Variants in XKR4 observed in about 807,000 individuals in gnomAD.
XKR4 encodes XK-related protein 4.
Under a neutral mutation model 53.9 loss-of-function variants are expected in XKR4, and 12 were observed. That is an observed-to-expected ratio of 0.22 (90% CI 0.14 to 0.36). The LOEUF (loss-of-function observed/expected upper bound fraction) is 0.36, where lower values mean the gene tolerates loss of function less well. Among genes scored for constraint, XKR4 ranks in the 10% least tolerant of loss-of-function variants. XKR4 has a pLI of 1.00. For missense variants in XKR4, 799 were observed against 859.5 expected, an observed-to-expected ratio of 0.93 and a Z score of 0.88; for synonymous variants, 354 against 362.4, an observed-to-expected ratio of 0.98 and a Z score of 0.26.
chr8:55,140,054 C>T (rs1295825730), intron 1 of XKR4: 2 of 322,924 alleles, frequency 6.2e-6, no homozygotes, highest in Non-Finnish European at 1.2e-5. Context: ...GAAAGATTCT[C>T]ATCCTATTTT....
chr8:55,463,587 C>T (rs1027918744), intron 2 of XKR4, among the ~76,000 whole-genome samples: 2 of 151,840 alleles, frequency 1.3e-5, no homozygotes, highest in East Asian at 1.9e-4. Context: ...AGAGCAAACA[C>T]GTTCAAAAGC....
chr8:55,204,368 G>A (rs1441585600), intron 1 of XKR4, among the ~76,000 whole-genome samples: 4 of 152,080 alleles, frequency 2.6e-5, no homozygotes, highest in Admixed American at 6.6e-5. Flanking sequence ...TTTAGCCACC[G>A]AAATACTTAC....
intron 2 of XKR4, among the ~76,000 whole-genome samples, chr8:55,513,919 G>A (rs913819136): frequency 6.6e-6 from 1 of 152,204 alleles, no homozygotes; most frequent in African/African-American, 2.4e-5. Flanking sequence ...TGAAATGAGT[G>A]AGGGGCCAGG....
chr8:55,396,732 T>C (rs1804524402), intron 2 of XKR4, among the ~76,000 whole-genome samples: 1 of 152,238 alleles, frequency 6.6e-6, no homozygotes, highest in Non-Finnish European at 1.5e-5. Context: ...CAAATGTTGG[T>C]GTTAATATTG....
intron 2 of XKR4, among the ~76,000 whole-genome samples, chr8:55,379,294 T>C (rs890695040): frequency 2.6e-5 from 4 of 152,158 alleles, no homozygotes; most frequent in African/African-American, 9.7e-5. Context: ...TCAAATGCTG[T>C]CAGGTGCTTC....
At position 55,541,268 on chromosome 8, in the gene XKR4, TTTTG is replaced by T. The variant is rs1221569644; in HGVS notation, c.*17053_*17056del. ...CCCAACCTCAGGAGGTTGTACTTAA[TTTTG>T]TTTGTTTGTTTCTAAGGTTGGTTTT... is the stretch of plus-strand genomic sequence containing the variant. On this transcript the variant is annotated 3_prime_UTR_variant, in exon 3 of 3. Coordinates refer to ENST00000327381, the MANE Select transcript of XKR4 (RefSeq NM_052898.2). 2.0e-5 allele frequency: 3 copies of T among 152,222 alleles called. No homozygotes were observed. Among genetic ancestry groups the T allele is most frequent in the South Asian group, 2.1e-4 (1 of 4,830 alleles). The allele number at this position is 152,222 out of a possible 1,614,324, so 9.4% of individuals were successfully genotyped here.
chr8:55,363,408 C>T (rs1803930476), intron 2 of XKR4, among the ~76,000 whole-genome samples: 1 of 152,186 alleles, frequency 6.6e-6, no homozygotes, highest in Admixed American at 6.5e-5. Flanking sequence ...AATTATTCCT[C>T]TCCTGTCTTG....
intron 1 of XKR4, among the ~76,000 whole-genome samples, chr8:55,308,482 C>A (rs1320991690): frequency 6.6e-6 from 1 of 152,124 alleles, no homozygotes; most frequent in African/African-American, 2.4e-5. Context: ...GTCATGAGAA[C>A]TCACTATCAC....
chr8:55,496,415 A>G (rs897809592), intron 2 of XKR4, among the ~76,000 whole-genome samples: 1 of 152,200 alleles, frequency 6.6e-6, no homozygotes, highest in Non-Finnish European at 1.5e-5. Flanking sequence ...AGCCAACCAG[A>G]TACCTGGGCT....
chr8:55,487,762 T>C (rs1375411778), intron 2 of XKR4, among the ~76,000 whole-genome samples: 1 of 152,156 alleles, frequency 6.6e-6, no homozygotes, highest in Admixed American at 6.5e-5. Flanking sequence ...CGTAAGCCAC[T>C]ACCTAGTTAC....
At chr8:55,281,998 A>C (rs1818850233) in intron 1 of XKR4, among the ~76,000 whole-genome samples, 1 of 152,242 alleles carries the variant, frequency 6.6e-6, no homozygotes, top group South Asian at 2.1e-4. Context: ...TGGAAGCAAC[A>C]AAGTAACCCT....
At chr8:55,276,146 T>C (rs1470183936) in intron 1 of XKR4, among the ~76,000 whole-genome samples, 1 of 152,242 alleles carries the variant, frequency 6.6e-6, no homozygotes, top group African/African-American at 2.4e-5. Flanking sequence ...GTAATAGAAC[T>C]ACACTTCACA....
At chr8:55,109,540 G>T (rs952101349) in intron 1 of XKR4, among the ~76,000 whole-genome samples, 1 of 152,114 alleles carries the variant, frequency 6.6e-6, no homozygotes, top group Non-Finnish European at 1.5e-5. Context: ...CACACAATCA[G>T]ACAGCTCCTT....
At chr8:55,418,601 A>G (rs1804882929) in intron 2 of XKR4, among the ~76,000 whole-genome samples, 2 of 152,096 alleles carry the variant, frequency 1.3e-5, no homozygotes, top group South Asian at 2.1e-4. Flanking sequence ...CCCTCAGTCC[A>G]TTTTCAACAC....
chr8:55,503,903 A>G (rs1457022653), intron 2 of XKR4, among the ~76,000 whole-genome samples: 1 of 151,936 alleles, frequency 6.6e-6, no homozygotes, highest in Non-Finnish European at 1.5e-5. Context: ...GAGTTTTTTT[A>G]ATCTTGAAAT....
At chr8:55,215,042 C>T (rs1465615411) in intron 1 of XKR4, among the ~76,000 whole-genome samples, 3 of 151,324 alleles carry the variant, frequency 2.0e-5, no homozygotes, top group Non-Finnish European at 1.5e-5. Context: ...TTATCATTTG[C>T]CTTTTAAACT....
intron 1 of XKR4, among the ~76,000 whole-genome samples, chr8:55,344,443 C>T (rs1803605164): frequency 6.7e-6 from 1 of 149,586 alleles, no homozygotes; most frequent in Non-Finnish European, 1.5e-5. Context: ...TCTGTTAACC[C>T]TGTCTGTTTT....
At chr8:55,404,258 T>A (rs1021919318) in intron 2 of XKR4, among the ~76,000 whole-genome samples, 3 of 151,992 alleles carry the variant, frequency 2.0e-5, no homozygotes, top group Non-Finnish European at 2.9e-5. Context: ...GGTAGATAGA[T>A]GACAGATGAC....
At chr8:55,116,102 T>C (rs1186785967) in intron 1 of XKR4, among the ~76,000 whole-genome samples, 1 of 152,082 alleles carries the variant, frequency 6.6e-6, no homozygotes, top group Non-Finnish European at 1.5e-5. Context: ...TCTGGGCTTA[T>C]TTTTATATTT....
Sources: allele counts gnomAD v4.1 joint callset (sites outside exome capture counted in the v4.1 genomes callset), GRCh38; gene constraint gnomAD v4.1.1; transcripts MANE v1.5; gene names NCBI Gene and HGNC (gene_info 2026-07-23, HGNC 2026-07-21).